The following SLC25A35 variants were observed in gnomAD, a reference collection of about 807,000 sequenced individuals.
The protein encoded by SLC25A35 is solute carrier family 25, member 35.
A neutral mutation model predicts 30.5 loss-of-function variants in SLC25A35; 32 were observed. That is an observed-to-expected ratio of 1.05 (90% CI 0.79 to 1.41). The LOEUF (loss-of-function observed/expected upper bound fraction) is 1.41, where lower values mean the gene tolerates loss of function less well. Ranked by LOEUF, SLC25A35 falls within the 40% of genes most tolerant of loss-of-function variation. The pLI, the probability that SLC25A35 is intolerant of heterozygous loss-of-function variation, is 0.00. For synonymous variants in SLC25A35, 142 were observed against 158.1 expected (o/e 0.90, Z 0.77); for missense variants, 369 against 388.0 (o/e 0.95, Z 0.41).
chr17:8,289,125 G>T (rs1990274179), downstream of SLC25A35: 1 of 1,604,104 alleles, frequency 6.2e-7, no homozygotes. Context: ...CGGACCAGTG[G>T]GCGGGGCCCG....
At chr17:8,291,253 C>T (rs2151615561) in intron 3 of SLC25A35, 80 bp downstream of exon 3, 2 of 1,563,724 alleles carry the variant, frequency 1.3e-6, no homozygotes, top group Admixed American at 1.7e-5. Context: ...TGTTGGGCAC[C>T]ATCCCCTCCA....
At chr17:8,288,665 G>C, downstream of SLC25A35, 1 of 1,124,824 alleles carries the variant, frequency 8.9e-7, no homozygotes, top group East Asian at 2.4e-5. Flanking sequence ...AATCTTAAAG[G>C]ATCCGGGAGC....
At chr17:8,288,665 G>A (rs560377946), downstream of SLC25A35, 2,673 of 1,124,810 alleles carry the variant, frequency 2.4e-3, 4 homozygotes, top group Non-Finnish European at 3.2e-3. Flanking sequence ...AATCTTAAAG[G>A]ATCCGGGAGC....
intron 2 of SLC25A35, among the ~76,000 whole-genome samples, chr17:8,291,979 C>A (rs1051187748): frequency 6.6e-6 from 1 of 151,914 alleles, no homozygotes; most frequent in Non-Finnish European, 1.5e-5. Flanking sequence ...TTCAGGAGTT[C>A]GAGACCAGCC....
chr17:8,288,314 G>T (rs921044151), downstream of SLC25A35: 4 of 176,960 alleles, frequency 2.3e-5, no homozygotes, highest in African/African-American at 9.6e-5. Flanking sequence ...CGGGCGTGGT[G>T]GCGGGAGCAG....
At chr17:8,291,215 G>T (rs947938351) in intron 3 of SLC25A35, 118 bp downstream of exon 3, 1 of 1,465,258 alleles carries the variant, frequency 6.8e-7, no homozygotes, top group African/African-American at 1.4e-5. Context: ...TGACCTCCAA[G>T]CCCTCCTGCC....
Position 8,291,426 on chromosome 17 carries a change from A to G in SLC25A35, c.501T>C (p.Arg167=). The G allele has an allele frequency of 1.2e-6, 2 of 1,614,140 alleles. No individual in the cohort carries two copies. Among genetic ancestry groups the G allele is most frequent in the South Asian group, 1.1e-5 (1 of 91,088 alleles). ...CTCGGGGCAGGCCGCCCAGAGCCCC[A>G]CGCCATAACCCCACCAGACCATGTT... is the stretch of plus-strand genomic sequence containing the variant. The part of the protein sequence containing the change: ...GQKHGLVGLW[R]GALGGLPRVI... The change falls in exon 3 of 5, where the codon CGT becomes CGC. Residue 167 remains arginine (R), a synonymous_variant. Transcript: ENST00000577745.
chr17:8,290,175 G>C lies in SLC25A35; in HGVS notation c.*330C>G. 7.0e-7 allele frequency: 1 copy of C among 1,434,206 alleles called. No individual in the cohort carries two copies. The highest frequency in any genetic ancestry group is 9.1e-7 in the Non-Finnish European group (1 of 1,099,474). 88.8% of individuals were successfully genotyped at this position (1,434,206 alleles called of 1,614,324 possible). ...CTCTCGATTCCCTTTGGTTTTGGAGGGAGGAGTTTAAAACTGTGCATGGGA... is the reference window on the plus strand; with the variant it reads ...CTCTCGATTCCCTTTGGTTTTGGAGCGAGGAGTTTAAAACTGTGCATGGGA... On this transcript the variant is annotated 3_prime_UTR_variant, in exon 5 of 5. Transcript: ENST00000577745.
chr17:8,294,604 G>A lies in SLC25A35; in HGVS notation c.204C>T (p.Pro68=). ...GLAALQKGLA[P]ALLYQFLMNG... is the part of the protein sequence containing the mutation. ...TCATCAGGAACTGGTACAAGAGGGCGGGGGCCAGGCCTTTCTGCAGGGCAG... is the reference window on the plus strand; with the variant it reads ...TCATCAGGAACTGGTACAAGAGGGCAGGGGCCAGGCCTTTCTGCAGGGCAG... The change falls in exon 1 of 5, where the codon CCC becomes CCT. Residue 68 remains proline, a synonymous_variant. Coordinates refer to ENST00000577745, the MANE Select transcript of SLC25A35 (RefSeq NM_001320870.2). The A allele has an allele frequency of 1.2e-6, 2 of 1,614,164 alleles. No homozygotes were observed. Among genetic ancestry groups the A allele is most frequent in the East Asian group, 2.2e-5 (1 of 44,868 alleles).
At chr17:8,289,447 G>A, downstream of SLC25A35, 1 of 1,614,112 alleles carries the variant, frequency 6.2e-7, no homozygotes, top group South Asian at 1.1e-5. Flanking sequence ...TGTCCTGGAA[G>A]GGCGGTAGCG....
intron 2 of SLC25A35, 129 bp from the exon 3 acceptor site, chr17:8,291,614 G>T (rs987822112): frequency 1.5e-6 from 2 of 1,309,630 alleles, no homozygotes; most frequent in African/African-American, 3.0e-5. Flanking sequence ...TGGGCTTAGA[G>T]CCAGAATGTG....
At position 8,290,389 on chromosome 17, in the gene SLC25A35, T is replaced by C; in HGVS notation, c.*116A>G. The C allele has an allele frequency of 4.1e-6, 6 of 1,461,824 alleles. No homozygotes were observed. Among genetic ancestry groups the C allele is most frequent in the Non-Finnish European group, 5.4e-6 (6 of 1,109,858 alleles). The allele number at this position is 1,461,824 out of a possible 1,614,324, so 90.6% of individuals were successfully genotyped here. A position where few individuals can be genotyped will look rare whatever the true frequency, so the allele number is the denominator to read the frequency against. The stretch of plus-strand genomic sequence containing the variant: ...CCCTGAGAACAGATGGGGAGTGGGG[T>C]TGGCTGTCCCCCATGGATGGATGAA... On this transcript the variant is annotated 3_prime_UTR_variant, in exon 5 of 5. Coordinates refer to ENST00000577745, the MANE Select transcript of SLC25A35 (RefSeq NM_001320870.2).
chr17:8,289,921 C>A (rs770934461), downstream of SLC25A35: 1 of 1,614,156 alleles, frequency 6.2e-7, no homozygotes, highest in Non-Finnish European at 8.5e-7. Flanking sequence ...ATCCTAACAT[C>A]TTTGGTCCCC....
intron 3 of SLC25A35, 81 bp downstream of exon 3, chr17:8,291,252 C>G: frequency 6.4e-7 from 1 of 1,568,264 alleles, no homozygotes; most frequent in South Asian, 1.2e-5. Context: ...ATGTTGGGCA[C>G]CATCCCCTCC....
At chr17:8,291,517 G>C in intron 2 of SLC25A35, 32 bp from the exon 3 acceptor site, 1 of 1,582,826 alleles carries the variant, frequency 6.3e-7, no homozygotes, top group Non-Finnish European at 8.6e-7. Context: ...GTGGGGTTCA[G>C]ACAGCCCAGC....
In SLC25A35 at chr17:8,295,249, C is replaced by G. The variant is rs543507103; in HGVS notation, c.-442G>C. On this transcript the variant is annotated 5_prime_UTR_variant, in exon 1 of 5. Transcript: ENST00000577745. The stretch of plus-strand genomic sequence containing the variant: ...ATCCGGGAGAAGAGCCGGTGATTTC[C>G]TCGAGCCAGCAACGAGATCTCGATC... The G allele has an allele frequency of 1.0e-6, 1 of 990,064 alleles. No individual in the cohort carries two copies. Among genetic ancestry groups the G allele is most frequent in the African/African-American group, 1.7e-5 (1 of 57,472 alleles). 61.3% of individuals were successfully genotyped at this position (990,064 alleles called of 1,614,324 possible).
chr17:8,293,663 T>G (rs536707961), intron 1 of SLC25A35, among the ~76,000 whole-genome samples: 2 of 150,558 alleles, frequency 1.3e-5, no homozygotes, highest in African/African-American at 2.4e-5. Flanking sequence ...GCCATTCTCC[T>G]GCCTCAGCCT....
chr17:8,294,088 TG>T (rs1990697825), intron 1 of SLC25A35, among the ~76,000 whole-genome samples: 1 of 150,970 alleles, frequency 6.6e-6, no homozygotes, highest in African/African-American at 2.4e-5. Context: ...GCTAATTTTT[TG>T]TATTTTTAGT....
chr17:8,294,563 C>A lies in SLC25A35; in HGVS notation c.245G>T (p.Gly82Val). ...YQFLMNGIRL[G>V]TYGLAEAGGY... ...CCCAGCCTCAGCCAGCCCATAGGTG[C>A]CCAGTCGGATGCCATTCATCAGGAA... The change falls in exon 1 of 5, where the codon GGC (glycine) becomes GTC (valine). Residue 82 changes from glycine to valine, a missense_variant. Gly to Val is a moderately radical substitution (Grantham distance 109). Transcript: ENST00000577745. 6.2e-7 allele frequency: 1 copy of A among 1,614,136 alleles called. No homozygotes were observed. Among genetic ancestry groups the A allele is most frequent in the Admixed American group, 1.7e-5 (1 of 60,028 alleles).
Sources: allele counts gnomAD v4.1 joint callset (sites outside exome capture counted in the v4.1 genomes callset), GRCh38; gene constraint gnomAD v4.1.1; transcripts MANE v1.5; gene names NCBI Gene and HGNC (gene_info 2026-07-23, HGNC 2026-07-21).